The following POGZ variants were observed in gnomAD, a reference collection of about 807,000 sequenced individuals.
The protein encoded by POGZ is pogo transposable element with ZNF domain.
POGZ carries 17 observed loss-of-function variants against 134.6 expected under a neutral mutation model. That is an observed-to-expected ratio of 0.13 (90% CI 0.09 to 0.19). POGZ has a LOEUF of 0.19. Ranked by LOEUF, POGZ falls within the 10% of genes least tolerant of loss-of-function variation. The probability of loss-of-function intolerance (pLI) is 1.00; values close to 1 mark genes in which losing one functional copy is unlikely to be tolerated. For missense variants in POGZ, 1,306 were observed against 1,769.7 expected (o/e 0.74, Z 4.70); for synonymous variants, 693 against 657.1 (o/e 1.05, Z -0.84).
intron 12 of POGZ, among the ~76,000 whole-genome samples, chr1:151,409,415 C>T (rs1459672156): frequency 6.6e-6 from 1 of 152,158 alleles, no homozygotes; most frequent in East Asian, 1.9e-4. Context: ...CTCTCTGTAG[C>T]CCAGGCTGGA....
chr1:151,405,634 G>C lies in POGZ; in HGVS notation c.3401C>G (p.Thr1134Arg), dbSNP rs1027902743. The C allele has an allele frequency of 1.6e-5, 26 of 1,614,072 alleles. No individual in the cohort carries two copies. The highest frequency in any genetic ancestry group is 2.1e-5 in the Non-Finnish European group (25 of 1,180,038). ...AIDEISLFLD[T>R]EVLSSDDRKE... ...TCGATCATCACTGCTCAGCACCTCT[G>C]TATCCAGGAACAAAGAGATCTCATC... The change falls in exon 19 of 19, where the codon ACA becomes AGA. Residue 1134 changes from threonine to arginine, a missense_variant. Physicochemically the swap from Thr to Arg is moderately conservative, Grantham distance 71. Coordinates refer to ENST00000271715, the MANE Select transcript of POGZ (RefSeq NM_015100.4). This position sits in a 1 kb window ranked among gnomAD's most constrained non-coding sequence, Gnocchi z 4.9.
chr1:151,452,137 G>A (rs1219792683), intron 1 of POGZ, among the ~76,000 whole-genome samples: 1 of 150,992 alleles, frequency 6.6e-6, no homozygotes, highest in African/African-American at 2.4e-5. Context: ...ATGTTGGCCG[G>A]GCATGGTGGC....
At chr1:151,424,840 C>G (rs1176750172) in intron 8 of POGZ, 115 bp downstream of exon 8, 1 of 636,176 alleles carries the variant, frequency 1.6e-6, no homozygotes, top group Admixed American at 2.5e-5. Context: ...CCAAGAGAAA[C>G]AGTAACCCTT....
Position 151,450,618 on chromosome 1 carries a change from G to A in POGZ, c.-1-8413C>T, listed in dbSNP as rs188420162. Among the ~76,000 whole-genome samples the A allele has an allele frequency of 2.0e-5, 3 of 152,272 alleles. No individual in the cohort carries two copies. The East Asian group carries it at 5.8e-4, about 29-fold the overall frequency. On this transcript the variant is annotated intron_variant, in intron 1 of 18. Transcript: ENST00000271715. ...TCTGCTTGCCTTGGTCTCCCAAAGT[G>A]CTGGGTTTTACAGGCATGAGCAGTC...
At chr1:151,416,587 TAAAC>T (rs1655744615) in intron 10 of POGZ, among the ~76,000 whole-genome samples, 1 of 150,840 alleles carries the variant, frequency 6.6e-6, no homozygotes, top group Non-Finnish European at 1.5e-5. Flanking sequence ...GCACTGCTCT[TAAAC>T]AAGTGTGAAT....
At chr1:151,420,131 T>C (rs1656637815) in intron 10 of POGZ, among the ~76,000 whole-genome samples, 1 of 151,986 alleles carries the variant, frequency 6.6e-6, no homozygotes, top group Admixed American at 6.6e-5. Context: ...GAGGCTGCAG[T>C]GAGCTAAGAT....
intron 3 of POGZ, among the ~76,000 whole-genome samples, chr1:151,433,805 T>C (rs764189735): frequency 2.6e-5 from 4 of 152,070 alleles, no homozygotes; most frequent in Admixed American, 6.6e-5. Context: ...ATTCTGACAA[T>C]TCAAGTGTCT....
In POGZ at chr1:151,408,742, T is replaced by C. The variant is rs756222257; in HGVS notation, c.2013A>G (p.Lys671=). The C allele has an allele frequency of 3.1e-6, 5 of 1,614,090 alleles. No individual in the cohort carries two copies. In the East Asian group the frequency reaches 8.9e-5, roughly 29 times the overall value. The change falls in exon 13 of 19, where the codon AAA becomes AAG. Residue 671 remains lysine (K), a synonymous_variant. Transcript: ENST00000271715. The part of the protein sequence containing the change: ...DKIEHKLQHH[K]TFRKPKQLEG... The stretch of plus-strand genomic sequence containing the variant: ...CCAGCTGCTTGGGTTTACGGAAGGT[T>C]TTATGGTGTTGAAGCTTGTGTTCAA...
At chr1:151,441,832 A>G (rs1452254291) in intron 2 of POGZ, among the ~76,000 whole-genome samples, 1 of 152,248 alleles carries the variant, frequency 6.6e-6, no homozygotes, top group Non-Finnish European at 1.5e-5. Context: ...ACTGCTAGAT[A>G]TTTGATAAAC....
At chr1:151,446,822 C>T (rs1661346398) in intron 1 of POGZ, among the ~76,000 whole-genome samples, 1 of 143,512 alleles carries the variant, frequency 7.0e-6, no homozygotes, top group Non-Finnish European at 1.5e-5. Flanking sequence ...CATACTGCAA[C>T]AAGTGAACAG....
At chr1:151,408,330 T>A in intron 14 of POGZ, 79 bp downstream of exon 14, 4 of 1,568,838 alleles carry the variant, frequency 2.5e-6, no homozygotes, top group Non-Finnish European at 3.5e-6. Context: ...GCTAAAAAGC[T>A]ACCAGATTGC....
intron 1 of POGZ, among the ~76,000 whole-genome samples, chr1:151,449,526 T>C (rs1194747085): frequency 6.6e-6 from 1 of 152,190 alleles, no homozygotes; most frequent in Non-Finnish European, 1.5e-5. Context: ...TGAATACATG[T>C]TCTGAAAACG....
intron 1 of POGZ, among the ~76,000 whole-genome samples, chr1:151,443,119 G>A (rs959299712): frequency 6.6e-6 from 1 of 152,160 alleles, no homozygotes; most frequent in African/African-American, 2.4e-5. Context: ...GTGCAGGATC[G>A]GATTCAGTCT....
intron 3 of POGZ, among the ~76,000 whole-genome samples, chr1:151,433,371 G>A (rs1252623346): frequency 2.0e-5 from 3 of 152,076 alleles, no homozygotes; most frequent in African/African-American, 4.8e-5. Context: ...ATTTTGGGAG[G>A]CTGAGGTGGG....
chr1:151,444,113 G>A (rs1660944334), intron 1 of POGZ, among the ~76,000 whole-genome samples: 1 of 152,146 alleles, frequency 6.6e-6, no homozygotes, highest in African/African-American at 2.4e-5. Flanking sequence ...GGCACTCTGG[G>A]TTTTAATGGG....
At position 151,404,416 on chromosome 1, in the gene POGZ, A is replaced by G. The variant is rs1653205848; in HGVS notation, c.*386T>C. 1.0e-6 allele frequency: 1 copy of G among 997,644 alleles called. No homozygotes were observed. Among genetic ancestry groups the G allele is most frequent in the African/African-American group, 1.7e-5 (1 of 57,552 alleles). The allele number at this position is 997,644 out of a possible 1,614,324, so 61.8% of individuals were successfully genotyped here. ...AATAAAACAAACAAAAAAACCCAGT[A>G]CTATGATACAATTGAGGTAAAAGGG... On this transcript the variant is annotated 3_prime_UTR_variant, in exon 19 of 19. Transcript: ENST00000271715.
chr1:151,443,400 T>G (rs894783491), intron 1 of POGZ, among the ~76,000 whole-genome samples: 2 of 152,058 alleles, frequency 1.3e-5, no homozygotes, highest in African/African-American at 4.8e-5. Context: ...ACATGTCCCT[T>G]TAAAAAATTA....
chr1:151,430,645 G>A (rs1311925341), intron 4 of POGZ, 21 bp downstream of exon 4: 1 of 1,582,724 alleles, frequency 6.3e-7, no homozygotes, highest in Non-Finnish European at 8.6e-7. Flanking sequence ...TAGCAACCTT[G>A]GAATTCAGAG....
intron 10 of POGZ, among the ~76,000 whole-genome samples, chr1:151,420,102 T>C (rs574369630): frequency 2.0e-5 from 3 of 152,164 alleles, no homozygotes; most frequent in African/African-American, 4.8e-5. Flanking sequence ...GTGGGAGGAC[T>C]GCTTGAGCCC....
Sources: gnomAD v4.1 joint callset for allele counts (sites outside exome capture counted in the v4.1 genomes callset) on GRCh38, gnomAD v4.1.1 for gene constraint, Gnocchi (gnomAD v3.1) non-coding constraint, MANE v1.5 for transcripts, NCBI Gene and HGNC (gene_info 2026-07-23, HGNC 2026-07-21) for gene names.